Variants in MX2 observed in about 807,000 individuals in gnomAD.
MX2 encodes interferon-induced GTP-binding protein Mx2.
Under a neutral mutation model 74.0 loss-of-function variants are expected in MX2, and 51 were observed. The ratio of observed to expected loss-of-function variants is 0.69; its 90% CI spans 0.55 to 0.87. The LOEUF (loss-of-function observed/expected upper bound fraction) is 0.87, where lower values mean the gene tolerates loss of function less well. Ranked by LOEUF, MX2 falls within the 40% of genes least tolerant of loss-of-function variation. The pLI is 0.00. For missense variants in MX2, 832 were observed against 908.7 expected (o/e 0.92, Z 1.09); for synonymous variants, 369 against 339.3 (o/e 1.09, Z -0.96).
chr21:41,391,970 A>T (rs2089666477), intron 6 of MX2, among the ~76,000 whole-genome samples: 1 of 151,832 alleles, frequency 6.6e-6, no homozygotes, highest in Non-Finnish European at 1.5e-5. Flanking sequence ...ATTTTTTCTG[A>T]TCCTCTCCCT....
chr21:41,406,592 A>T, intron 12 of MX2, 152 bp from the exon 13 acceptor site: 2 of 830,558 alleles, frequency 2.4e-6, no homozygotes, highest in East Asian at 2.7e-5. Flanking sequence ...GCGAAGTGGG[A>T]CTTTCTAAAA....
intron 1 of MX2, chr21:41,370,625 A>T (rs1436365808): frequency 6.6e-6 from 1 of 152,252 alleles, no homozygotes; most frequent in Non-Finnish European, 1.5e-5. Flanking sequence ...AGTTGGAAGC[A>T]AAAATCTGTT....
At chr21:41,399,481 A>C in intron 10 of MX2, 144 bp downstream of exon 10, 4 of 859,860 alleles carry the variant, frequency 4.7e-6, no homozygotes, top group Non-Finnish European at 7.1e-6. Flanking sequence ...CTGTCTCTCA[A>C]CGAACAAAAC....
At chr21:41,400,100 G>A (rs987443140) in intron 10 of MX2, among the ~76,000 whole-genome samples, 13 of 152,174 alleles carry the variant, frequency 8.5e-5, no homozygotes, top group African/African-American at 2.4e-4. Flanking sequence ...CACCAGGCAC[G>A]GAGCCTTCAT....
At chr21:41,394,554 C>T (rs759892268) in intron 6 of MX2, among the ~76,000 whole-genome samples, 2 of 152,274 alleles carry the variant, frequency 1.3e-5, no homozygotes, top group Non-Finnish European at 2.9e-5. Flanking sequence ...CTTTATTTCT[C>T]GTATATTACT....
intron 11 of MX2, 168 bp from the exon 12 acceptor site, chr21:41,403,099 A>G (rs1471964089): frequency 1.4e-5 from 8 of 586,434 alleles, no homozygotes; most frequent in South Asian, 1.4e-4. Flanking sequence ...TGGCCCTGGA[A>G]TGATGTCCCA....
In MX2 at chr21:41,399,237, A is replaced by C; in HGVS notation, c.1314A>C (p.Glu438Asp). Residue 438 changes from glutamate (E) to aspartate (D), a missense_variant, in exon 10 of 14, where the codon GAA (glutamate) becomes GAC (aspartate). By Grantham distance (45) the Glu-to-Asp change is conservative. Transcript: ENST00000330714. Reference sequence around the variant, plus strand: ...ATCAGGACATCGAAAAGTTAGTAGAAGGAGAAGAAGTTGTAAGGGAGAATG... The same window carrying C: ...ATCAGGACATCGAAAAGTTAGTAGACGGAGAAGAAGTTGTAAGGGAGAATG... ...MFNQDIEKLV[E>D]GEEVVRENET... The C allele has an allele frequency of 6.2e-7, 1 of 1,614,038 alleles. No individual in the cohort carries two copies.
At position 41,388,264 on chromosome 21, in the gene MX2, C is replaced by T. The variant is rs2089608424; in HGVS notation, c.733-2301C>T. ...GGTCCCATGTGATCCAATCCCCCTA[C>T]TTCATGGACCACATTTCCTGTCACT... On this transcript the variant is annotated intron_variant, in intron 5 of 13. Transcript: ENST00000330714. This position sits in a 1 kb window ranked among gnomAD's most constrained non-coding sequence, Gnocchi z 4.0. 6.6e-6 allele frequency among the ~76,000 whole-genome samples: 1 copy of T among 152,234 alleles called. No homozygotes were observed. Among genetic ancestry groups the T allele is most frequent in the African/African-American group, 2.4e-5 (1 of 41,458 alleles).
At chr21:41,395,502 A>T in intron 6 of MX2, 85 bp from the exon 7 acceptor site, 1 of 1,325,774 alleles carries the variant, frequency 7.5e-7, no homozygotes, top group East Asian at 2.4e-5. Flanking sequence ...TGTTGGCCAA[A>T]AAAGGAGCCC....
At chr21:41,384,722 T>A (rs762277211) in intron 5 of MX2, among the ~76,000 whole-genome samples, 1 of 151,852 alleles carries the variant, frequency 6.6e-6, no homozygotes, top group East Asian at 1.9e-4. Context: ...TTTATAAAAA[T>A]TAATTAGGTT....
chr21:41,391,730 T>C (rs1463197721), intron 6 of MX2, among the ~76,000 whole-genome samples: 1 of 152,144 alleles, frequency 6.6e-6, no homozygotes, highest in African/African-American at 2.4e-5. Flanking sequence ...GGGATATACA[T>C]GTTCTGCTCT....
At chr21:41,378,045 C>T (rs1415675781) in intron 3 of MX2, 64 bp downstream of exon 3, 2 of 1,542,362 alleles carry the variant, frequency 1.3e-6, no homozygotes, top group East Asian at 2.4e-5. Flanking sequence ...ACAAAGCTTC[C>T]CCAGGCACCA....
chr21:41,396,989 CT>C (rs1440968144), intron 7 of MX2, among the ~76,000 whole-genome samples: 2 of 152,234 alleles, frequency 1.3e-5, no homozygotes, highest in Non-Finnish European at 2.9e-5. Context: ...TTGCAAACCG[CT>C]TCTCAAGGTC....
At position 41,402,288 on chromosome 21, in the gene MX2, C is replaced by A; in HGVS notation, c.1573+160C>A. On this transcript the variant is annotated intron_variant, in intron 11 of 13. Coordinates refer to ENST00000330714, the MANE Select transcript of MX2 (RefSeq NM_002463.2). This position sits in a 1 kb window ranked among gnomAD's most constrained non-coding sequence, Gnocchi z 4.5. ...CTCTGTGTGGTCTGTGAGCCAGCAGCACTGGCAAGGCCTGAGAGCTGGTCA... is the reference window on the plus strand; with the variant it reads ...CTCTGTGTGGTCTGTGAGCCAGCAGAACTGGCAAGGCCTGAGAGCTGGTCA... 1 of 830,378 alleles carries A rather than the reference C, an allele frequency of 1.2e-6. No individual in the cohort carries two copies. Among genetic ancestry groups the A allele is most frequent in the Non-Finnish European group, 1.8e-6 (1 of 560,940 alleles). The allele number at this position is 830,378 out of a possible 1,614,324, so 51.4% of individuals were successfully genotyped here.
intron 5 of MX2, among the ~76,000 whole-genome samples, chr21:41,387,007 C>T (rs967716782): frequency 7.9e-5 from 12 of 152,176 alleles, no homozygotes; most frequent in African/African-American, 2.9e-4. Context: ...ACAACAACAA[C>T]AACAAAATAA....
At chr21:41,364,235 A>G (rs545062002) in intron 1 of MX2, 2 of 152,320 alleles carry the variant, frequency 1.3e-5, no homozygotes, top group Non-Finnish European at 2.9e-5. Context: ...CTCTCCAGTG[A>G]TGCGCCTGGA....
At chr21:41,405,276 A>AT (rs1039358771) in intron 12 of MX2, among the ~76,000 whole-genome samples, 1 of 152,020 alleles carries the variant, frequency 6.6e-6, no homozygotes, top group African/African-American at 2.4e-5. Context: ...AAAAAAAAAA[A>AT]GAAAAAGAAA....
At chr21:41,369,613 T>G (rs374239808) in intron 1 of MX2, among the ~76,000 whole-genome samples, 21 of 152,202 alleles carry the variant, frequency 1.4e-4, no homozygotes, top group East Asian at 7.7e-4. Context: ...TGGGCTGGCC[T>G]CAGGGTTTCT....
At chr21:41,401,699 C>CTTTT (rs1555878973) in intron 10 of MX2, 1 of 160,778 alleles carries the variant, frequency 6.2e-6, no homozygotes. Flanking sequence ...TTTTTTTTTT[C>CTTTT]CTACCAGTTA....
Sources: gnomAD v4.1 joint callset for allele counts (sites outside exome capture counted in the v4.1 genomes callset) on GRCh38, gnomAD v4.1.1 for gene constraint, Gnocchi (gnomAD v3.1) non-coding constraint, MANE v1.5 for transcripts, NCBI Gene and HGNC (gene_info 2026-07-23, HGNC 2026-07-21) for gene names.